Variants in SPAG6 observed in about 807,000 individuals in gnomAD.
SPAG6 encodes the protein sperm-associated antigen 6.
Under a neutral mutation model 58.5 loss-of-function variants are expected in SPAG6, and 49 were observed. The observed-to-expected ratio is 0.84, with a 90% confidence interval of 0.67 to 1.06. SPAG6 has a LOEUF of 1.06. Among genes scored for constraint, SPAG6 ranks in the 50% least tolerant of loss-of-function variants. SPAG6 has a pLI of 0.00. For missense variants in SPAG6, 560 were observed against 611.3 expected (o/e 0.92, Z 0.89); for synonymous variants, 233 against 225.6 (o/e 1.03, Z -0.29).
chr10:22,373,781 T>A (rs970840755), intron 4 of SPAG6, among the ~76,000 whole-genome samples: 1 of 152,132 alleles, frequency 6.6e-6, no homozygotes, highest in Non-Finnish European at 1.5e-5. Flanking sequence ...TAGAGGCAAA[T>A]GAGGTATGTG....
chr10:22,346,680 T>A (rs1037525262), intron 2 of SPAG6, among the ~76,000 whole-genome samples: 5 of 152,088 alleles, frequency 3.3e-5, no homozygotes, highest in African/African-American at 1.2e-4. Context: ...ACAATTAACA[T>A]GTTGACAGCA....
intron 2 of SPAG6, among the ~76,000 whole-genome samples, chr10:22,358,470 T>G (rs1836934339): frequency 1.3e-5 from 2 of 151,962 alleles, no homozygotes; most frequent in African/African-American, 2.4e-5. Flanking sequence ...CATTGTAGAT[T>G]CTGGATATTA....
In SPAG6 at chr10:22,345,607, G is replaced by A. The variant is rs142306420; in HGVS notation, c.-5G>A. On this transcript the variant is annotated 5_prime_UTR_variant, in exon 1 of 11. Coordinates refer to ENST00000376624, the MANE Select transcript of SPAG6 (RefSeq NM_012443.4). This position sits in a 1 kb window ranked among gnomAD's most constrained non-coding sequence, Gnocchi z 6.3. ...TCGAGGAGGGCAGACGGCGGCGGGG[G>A]CGCCATGAGTCAGAGGCAGGTGCTG... The A allele has an allele frequency of 1.5e-4, 222 of 1,528,574 alleles. 1 individual carries two copies. Among genetic ancestry groups the A allele is most frequent in the Middle Eastern group, 2.0e-4 (1 of 4,896 alleles). 94.7% of individuals were successfully genotyped at this position (1,528,574 alleles called of 1,614,324 possible).
intron 2 of SPAG6, chr10:22,346,024 G>C (rs1279403340): frequency 5.8e-6 from 9 of 1,544,312 alleles, no homozygotes; most frequent in Non-Finnish European, 7.0e-6. Context: ...CGTTGTCCCT[G>C]TTTCCATCTT....
intron 10 of SPAG6, among the ~76,000 whole-genome samples, chr10:22,412,043 G>T (rs1296517120): frequency 6.6e-6 from 1 of 151,892 alleles, no homozygotes; most frequent in Admixed American, 6.6e-5. Context: ...TAGAGACGGG[G>T]TTTCACCGTG....
At chr10:22,403,074 A>T (rs1453964704) in intron 9 of SPAG6, among the ~76,000 whole-genome samples, 2 of 152,216 alleles carry the variant, frequency 1.3e-5, no homozygotes, top group African/African-American at 2.4e-5. Flanking sequence ...GATAAAATAA[A>T]TACAGTACTG....
At chr10:22,354,953 C>G (rs964948369) in intron 2 of SPAG6, among the ~76,000 whole-genome samples, 1 of 150,566 alleles carries the variant, frequency 6.6e-6, no homozygotes, top group Non-Finnish European at 1.5e-5. Context: ...GAGATCACGC[C>G]ACTGCACTCC....
chr10:22,379,254 T>C (rs1021799550), intron 4 of SPAG6, among the ~76,000 whole-genome samples: 1 of 152,188 alleles, frequency 6.6e-6, no homozygotes, highest in Non-Finnish European at 1.5e-5. Context: ...AGGGATGTTG[T>C]CTTGCAGATG....
chr10:22,409,378 T>G (rs1400776893), intron 9 of SPAG6, among the ~76,000 whole-genome samples: 1 of 152,228 alleles, frequency 6.6e-6, no homozygotes, highest in African/African-American at 2.4e-5. Context: ...ATATTATTGC[T>G]CTATTAGCAA....
intron 4 of SPAG6, among the ~76,000 whole-genome samples, chr10:22,374,926 A>G (rs1010959583): frequency 1.3e-5 from 2 of 152,244 alleles, no homozygotes; most frequent in Non-Finnish European, 2.9e-5. Flanking sequence ...ATGCAGTAGT[A>G]AGAGGAAGGA....
intron 2 of SPAG6, among the ~76,000 whole-genome samples, chr10:22,348,002 C>A (rs12251241): frequency 6.6e-6 from 1 of 151,756 alleles, no homozygotes; most frequent in Non-Finnish European, 1.5e-5. Context: ...ACTTTTCTTT[C>A]TTTCTTTGAG....
chr10:22,352,486 A>G (rs1187726351), intron 2 of SPAG6, among the ~76,000 whole-genome samples: 1 of 152,202 alleles, frequency 6.6e-6, no homozygotes, highest in Non-Finnish European at 1.5e-5. Context: ...AATTCTTAAT[A>G]TGAAGATAAA....
At chr10:22,414,522 G>T (rs530101556) in intron 10 of SPAG6, among the ~76,000 whole-genome samples, 37 of 152,104 alleles carry the variant, frequency 2.4e-4, no homozygotes, top group Non-Finnish European at 4.6e-4. Context: ...ATCTGTACAA[G>T]GTGGTTAAAG....
intron 4 of SPAG6, among the ~76,000 whole-genome samples, chr10:22,374,995 T>C (rs1833784422): frequency 6.6e-6 from 1 of 152,214 alleles, no homozygotes; most frequent in South Asian, 2.1e-4. Context: ...TTCTTTTAGT[T>C]TAAATCTTTG....
chr10:22,400,437 C>T (rs905176192), intron 8 of SPAG6, among the ~76,000 whole-genome samples: 2 of 151,998 alleles, frequency 1.3e-5, no homozygotes, highest in Non-Finnish European at 2.9e-5. Context: ...GTGCTGCAGC[C>T]CCATCAGGGT....
At chr10:22,372,156 C>CT (rs986877807) in intron 4 of SPAG6, among the ~76,000 whole-genome samples, 1 of 151,848 alleles carries the variant, frequency 6.6e-6, no homozygotes, top group African/African-American at 2.4e-5. Flanking sequence ...ATTTACACAA[C>CT]TTTTTTTTAG....
intron 9 of SPAG6, among the ~76,000 whole-genome samples, chr10:22,406,151 G>C (rs1175813260): frequency 6.6e-6 from 1 of 152,084 alleles, no homozygotes; most frequent in Non-Finnish European, 1.5e-5. Flanking sequence ...GTTCTGCTCT[G>C]ATTTTAGTTA....
chr10:22,346,430 G>GTTCTTCTTCTTCTCCTTC (rs1836532472), intron 2 of SPAG6, among the ~76,000 whole-genome samples: 3 of 95,920 alleles, frequency 3.1e-5, no homozygotes, highest in Non-Finnish European at 4.3e-5. Context: ...AGAGAAAATG[G>GTTCTTCTTCTTCTCCTTC]TTCTTCTTCT....
chr10:22,356,417 T>C (rs1009686694), intron 2 of SPAG6, among the ~76,000 whole-genome samples: 2 of 152,252 alleles, frequency 1.3e-5, no homozygotes, highest in South Asian at 4.1e-4. Context: ...TTCATTTTTA[T>C]TAATTTCCCT....
Sources: gnomAD v4.1 joint callset for allele counts (sites outside exome capture counted in the v4.1 genomes callset) on GRCh38, gnomAD v4.1.1 for gene constraint, Gnocchi (gnomAD v3.1) non-coding constraint, MANE v1.5 for transcripts, NCBI Gene and HGNC (gene_info 2026-07-23, HGNC 2026-07-21) for gene names.